SUMF1: variants seen among roughly 807,000 people sequenced by gnomAD.
SUMF1 encodes the protein sulfatase modifying factor 1, also known as formylglycine-generating enzyme.
A neutral mutation model predicts 47.6 loss-of-function variants in SUMF1; 48 were observed. That is an observed-to-expected ratio of 1.01 (90% CI 0.80 to 1.28). The LOEUF is 1.28. Among genes scored for constraint, SUMF1 ranks in the 50% most tolerant of loss-of-function variants. The pLI, the probability that SUMF1 is intolerant of heterozygous loss-of-function variation, is 0.00. For synonymous variants in SUMF1, 230 were observed against 192.1 expected (o/e 1.20, Z -1.63); for missense variants, 571 against 485.4 (o/e 1.18, Z -1.66).
chr3:4,143,991 T>C (rs1449672519), intron 8 of SUMF1, among the ~76,000 whole-genome samples: 14 of 133,456 alleles, frequency 1.0e-4, no homozygotes, highest in African/African-American at 1.8e-4. Flanking sequence ...TCTCTCTCTT[T>C]TTTTTTTTTT....
intron 8 of SUMF1, among the ~76,000 whole-genome samples, chr3:4,152,513 A>C (rs1476090029): frequency 6.7e-6 from 1 of 150,322 alleles, no homozygotes; most frequent in Non-Finnish European, 1.5e-5. Context: ...GGCTGGTCTC[A>C]AACTCCTGGG....
chr3:4,064,814 T>C (rs1695341179), intron 9 of SUMF1, among the ~76,000 whole-genome samples: 1 of 152,164 alleles, frequency 6.6e-6, no homozygotes, highest in Non-Finnish European at 1.5e-5. Flanking sequence ...AGGAGTACGC[T>C]TCAGCCATAT....
intron 8 of SUMF1, among the ~76,000 whole-genome samples, chr3:4,221,414 GGTGTGT>G (rs113359661): frequency 0.076 from 11,221 of 147,998 alleles, 517 homozygotes; most frequent in Non-Finnish European, 0.1. Flanking sequence ...GGTTTTTTGG[GGTGTGT>G]GTGTGTGTGT....
intron 2 of SUMF1, among the ~76,000 whole-genome samples, chr3:4,450,404 AC>A (rs1702929801): frequency 6.6e-6 from 1 of 152,184 alleles, no homozygotes; most frequent in African/African-American, 2.4e-5. Context: ...TGCAGATCTT[AC>A]AAGCATCTCC....
chr3:4,052,527 T>G (rs1695129313), intron 9 of SUMF1, among the ~76,000 whole-genome samples: 1 of 152,156 alleles, frequency 6.6e-6, no homozygotes, highest in South Asian at 2.1e-4. Context: ...CAAGTGGAAC[T>G]ACTCTAACAA....
At chr3:4,303,411 T>C (rs752901589) in intron 8 of SUMF1, 6 of 1,556,592 alleles carry the variant, frequency 3.9e-6, no homozygotes, top group Admixed American at 3.9e-5. Context: ...CCTTGTGGGA[T>C]GGCGGAGTTT....
rs764005838 is a variant in SUMF1 at position 4,313,249 on chromosome 3, G to A, written c.1014+63081C>T. 37 of 1,613,768 alleles carry A rather than the reference G, an allele frequency of 2.3e-5. No homozygotes were observed. The Admixed American group carries it at 5.7e-4, about 25-fold the overall frequency. On this transcript the variant is annotated intron_variant and NMD_transcript_variant, in intron 8 of 12. Transcript: ENST00000448413. Reference sequence around the variant, plus strand: ...AGGAAGGTTTGTCTGTGAATATGCTGGTGAGGTTTTAGGATTCTCTGAAGT... The same window carrying A: ...AGGAAGGTTTGTCTGTGAATATGCTAGTGAGGTTTTAGGATTCTCTGAAGT...
intron 7 of SUMF1, among the ~76,000 whole-genome samples, chr3:4,394,719 C>A (rs55947065): frequency 0.03 from 4,550 of 152,238 alleles, 122 homozygotes; most frequent in Middle Eastern, 0.044. Flanking sequence ...TCTCAGAAGA[C>A]TGATACAAGG....
chr3:4,466,296 G>C (rs138762383), intron 1 of SUMF1, among the ~76,000 whole-genome samples: 2,636 of 152,092 alleles, frequency 0.017, 76 homozygotes, highest in African/African-American at 0.061. Flanking sequence ...ATTTTTAGTA[G>C]AGACGGGGTT....
intron 3 of SUMF1, among the ~76,000 whole-genome samples, chr3:4,440,062 C>T (rs1218353511): frequency 4.0e-5 from 6 of 151,790 alleles, no homozygotes; most frequent in Admixed American, 1.3e-4. Flanking sequence ...GGTGAAACCC[C>T]GTCTCTACTA....
chr3:4,299,155 A>C (rs1697914809), intron 8 of SUMF1, among the ~76,000 whole-genome samples: 1 of 152,216 alleles, frequency 6.6e-6, no homozygotes, highest in Non-Finnish European at 1.5e-5. Flanking sequence ...CTAGGCAGCT[A>C]CCTTAAAATC....
At chr3:4,087,853 A>G (rs1359200408) in intron 8 of SUMF1, among the ~76,000 whole-genome samples, 1 of 152,154 alleles carries the variant, frequency 6.6e-6, no homozygotes, top group East Asian at 1.9e-4. Context: ...ACTGCATTTT[A>G]TACTTCAGTG....
chr3:4,460,491 A>G (rs2079781589), intron 1 of SUMF1, among the ~76,000 whole-genome samples: 1 of 151,822 alleles, frequency 6.6e-6, no homozygotes, highest in Non-Finnish European at 1.5e-5. Context: ...CCGCATTTCC[A>G]TAAACCACTT....
intron 9 of SUMF1, among the ~76,000 whole-genome samples, chr3:4,038,456 T>C (rs1694844015): frequency 6.6e-6 from 1 of 152,116 alleles, no homozygotes; most frequent in Non-Finnish European, 1.5e-5. Flanking sequence ...ATAGTACCAC[T>C]ACAGAGGCAG....
At chr3:4,295,587 AG>A (rs1209586497) in intron 8 of SUMF1, among the ~76,000 whole-genome samples, 1 of 152,202 alleles carries the variant, frequency 6.6e-6, no homozygotes, top group East Asian at 1.9e-4. Flanking sequence ...CTGCAAACAA[AG>A]CAAGTCTGCT....
intron 8 of SUMF1, among the ~76,000 whole-genome samples, chr3:4,100,331 T>C (rs1693004863): frequency 6.6e-6 from 1 of 151,754 alleles, no homozygotes; most frequent in Admixed American, 6.6e-5. Flanking sequence ...AGGACTGGCA[T>C]AAAAACAGAC....
At chr3:4,281,768 T>C (rs1697534963) in intron 8 of SUMF1, among the ~76,000 whole-genome samples, 1 of 152,164 alleles carries the variant, frequency 6.6e-6, no homozygotes, top group East Asian at 1.9e-4. Context: ...CCAATAAAAG[T>C]TATTACCTGG....
At chr3:4,151,444 T>C (rs1240192785) in intron 8 of SUMF1, among the ~76,000 whole-genome samples, 2 of 146,352 alleles carry the variant, frequency 1.4e-5, no homozygotes, top group Non-Finnish European at 3.0e-5. Flanking sequence ...TATATATGTA[T>C]ATATGTATAC....
chr3:4,392,246 C>T (rs1237838427), intron 7 of SUMF1, among the ~76,000 whole-genome samples: 1 of 152,128 alleles, frequency 6.6e-6, no homozygotes, highest in East Asian at 1.9e-4. Context: ...CTTTTCAATT[C>T]TAGAAATTCT....
Sources: allele counts gnomAD v4.1 joint callset (sites outside exome capture counted in the v4.1 genomes callset), GRCh38; gene constraint gnomAD v4.1.1; transcripts MANE v1.5; gene names NCBI Gene and HGNC (gene_info 2026-07-23, HGNC 2026-07-21).